The following TCEA3 variants were observed in gnomAD, a reference collection of about 807,000 sequenced individuals.
TCEA3 encodes the protein transcription elongation factor A3.
In TCEA3, 36 loss-of-function variants were observed where a neutral mutation model predicts 44.0. The observed-to-expected ratio is 0.82, with a 90% CI of 0.63 to 1.08. TCEA3 has a LOEUF of 1.08. Ranked by LOEUF, TCEA3 falls within the 50% of genes least tolerant of loss-of-function variation. The pLI, the probability that TCEA3 is intolerant of heterozygous loss-of-function variation, is 0.00. For synonymous variants in TCEA3, 162 were observed against 159.7 expected (o/e 1.01, Z -0.11); for missense variants, 392 against 441.2 (o/e 0.89, Z 1.00).
At chr1:23,386,953 C>A (rs1558020442) in intron 9 of TCEA3, among the ~76,000 whole-genome samples, 2 of 152,126 alleles carry the variant, frequency 1.3e-5, no homozygotes, top group South Asian at 2.1e-4. Context: ...ATCTCCTGAC[C>A]TCGTGATCCG....
intron 8 of TCEA3, among the ~76,000 whole-genome samples, chr1:23,387,794 C>T (rs1434375962): frequency 6.6e-6 from 1 of 152,168 alleles, no homozygotes; most frequent in Non-Finnish European, 1.5e-5. Flanking sequence ...CTATGATGTT[C>T]CCCTTAGCCT....
intron 8 of TCEA3, among the ~76,000 whole-genome samples, chr1:23,387,856 T>C (rs1638899507): frequency 1.3e-5 from 2 of 152,168 alleles, no homozygotes; most frequent in South Asian, 4.1e-4. Context: ...ACTGCCCTGC[T>C]GTTCTGCTTA....
At chr1:23,415,084 C>T (rs920964638) in intron 4 of TCEA3, among the ~76,000 whole-genome samples, 8 of 127,950 alleles carry the variant, frequency 6.3e-5, no homozygotes, top group South Asian at 2.7e-4. Context: ...AGTGCAGTGG[C>T]GGGATCTCAG....
At chr1:23,414,982 T>C (rs1639843654) in intron 4 of TCEA3, among the ~76,000 whole-genome samples, 1 of 148,660 alleles carries the variant, frequency 6.7e-6, no homozygotes, top group East Asian at 2.0e-4. Flanking sequence ...GTTGTTCTCA[T>C]ACAGGCCTTT....
chr1:23,423,707 C>G (rs984775032), intron 1 of TCEA3, among the ~76,000 whole-genome samples: 2 of 152,214 alleles, frequency 1.3e-5, no homozygotes, highest in African/African-American at 4.8e-5. Context: ...AGCGCAGGCC[C>G]TCCAGGACCC....
intron 3 of TCEA3, among the ~76,000 whole-genome samples, chr1:23,417,671 A>G (rs1269191615): frequency 6.6e-6 from 1 of 152,258 alleles, no homozygotes; most frequent in Non-Finnish European, 1.5e-5. Flanking sequence ...AATGCATGAG[A>G]GCACAAACAC....
rs2148583682 is a variant in TCEA3 at position 23,418,010 on chromosome 1, C to A, written c.133-1G>T. 6.2e-7 allele frequency: 1 copy of A among 1,614,022 alleles called. No individual in the cohort carries two copies. The highest frequency in any genetic ancestry group is 8.5e-7 in the Non-Finnish European group (1 of 1,179,868). ...TAACAGCAACTCCAATCCTGGTTGT[C>A]TGCAAAGTGAGAGGGTTAAGGCATA... On this transcript the variant is annotated splice_acceptor_variant, in intron 2 of 10. Transcript: ENST00000450454. LOFTEE classifies it high-confidence loss of function.
intron 8 of TCEA3, among the ~76,000 whole-genome samples, chr1:23,389,060 AG>A (rs1354216019): frequency 6.6e-5 from 10 of 152,302 alleles, no homozygotes; most frequent in Non-Finnish European, 1.3e-4. Flanking sequence ...TTAAATTCAA[AG>A]GCTAGGCCCT....
intron 5 of TCEA3, among the ~76,000 whole-genome samples, chr1:23,407,426 C>G (rs1205806493): frequency 6.6e-6 from 1 of 152,050 alleles, no homozygotes; most frequent in African/African-American, 2.4e-5. Context: ...TCCAATAGCT[C>G]CAGCTTTACT....
intron 9 of TCEA3, among the ~76,000 whole-genome samples, chr1:23,385,021 G>T (rs1399909025): frequency 6.6e-6 from 1 of 152,072 alleles, no homozygotes; most frequent in Non-Finnish European, 1.5e-5. Flanking sequence ...TTATTTTACT[G>T]GTGGAAGACC....
At chr1:23,400,674 T>C (rs1165277392) in intron 5 of TCEA3, among the ~76,000 whole-genome samples, 1 of 152,042 alleles carries the variant, frequency 6.6e-6, no homozygotes, top group African/African-American at 2.4e-5. Flanking sequence ...TATATCTCTG[T>C]TGAGAAAAAA....
chr1:23,389,476 C>T (rs1638954808), intron 8 of TCEA3, among the ~76,000 whole-genome samples: 2 of 119,188 alleles, frequency 1.7e-5, no homozygotes, highest in Non-Finnish European at 3.5e-5. Flanking sequence ...GCAACAACAG[C>T]GAGATTCCAT....
intron 1 of TCEA3, chr1:23,423,915 C>G (rs1010863276): frequency 1.3e-5 from 6 of 453,788 alleles, no homozygotes; most frequent in African/African-American, 1.2e-4. Context: ...GGCCTCCAGC[C>G]CGGCCCCCTT....
chr1:23,382,126 A>G (rs1278783917), intron 10 of TCEA3, among the ~76,000 whole-genome samples: 1 of 150,014 alleles, frequency 6.7e-6, no homozygotes, highest in East Asian at 2.0e-4. Flanking sequence ...GGCTCACCGC[A>G]ATCTCCGCCT....
intron 9 of TCEA3, among the ~76,000 whole-genome samples, chr1:23,386,587 T>C (rs980302526): frequency 2.6e-5 from 4 of 152,024 alleles, no homozygotes; most frequent in African/African-American, 9.7e-5. Flanking sequence ...AGACAGAGTC[T>C]CCCTCTGTCG....
intron 8 of TCEA3, among the ~76,000 whole-genome samples, chr1:23,389,427 T>G (rs1262830966): frequency 6.6e-6 from 1 of 150,456 alleles, no homozygotes; most frequent in Non-Finnish European, 1.5e-5. Context: ...AGGTTTAAGT[T>G]GCAGTGAGCT....
In TCEA3 at chr1:23,417,256, T is replaced by G; in HGVS notation, c.373A>C (p.Lys125Gln). ...CATCCCAAAAAAGAATACCTGGTTT[T>G]GGGGTCTTCTCGTTTTTTCCTTGGT... ...SPPRKKREDP[K>Q]TRRDSVDSKS... Residue 125 changes from lysine to glutamine, a missense_variant, in exon 4 of 11, where the codon AAA (lysine) becomes CAA (glutamine). Lys to Gln is a moderately conservative substitution (Grantham distance 53). Coordinates refer to ENST00000450454, the MANE Select transcript of TCEA3 (RefSeq NM_003196.3). 6.2e-7 allele frequency: 1 copy of G among 1,613,750 alleles called. No homozygotes were observed. Among genetic ancestry groups the G allele is most frequent in the Non-Finnish European group, 8.5e-7 (1 of 1,179,836 alleles).
At chr1:23,409,493 C>T (rs904722690) in intron 4 of TCEA3, among the ~76,000 whole-genome samples, 3 of 152,146 alleles carry the variant, frequency 2.0e-5, no homozygotes, top group Non-Finnish European at 2.9e-5. Context: ...ATCTCACTTA[C>T]CCTGCCTTCC....
rs1014496422 is a variant in TCEA3 at position 23,403,775 on chromosome 1, C to G, written c.443+4889G>C. On this transcript the variant is annotated intron_variant, in intron 5 of 10. Transcript: ENST00000450454. The stretch of plus-strand genomic sequence containing the variant: ...CTTTAAAAGAGAGGTTTCCAGAGTC[C>G]TCCTACCTGAGCAAGACTAGGCTGT... The G allele has an allele frequency of 1.5e-4, 48 of 312,270 alleles. No individual in the cohort carries two copies. In the Admixed American group the frequency reaches 2.0e-3, roughly 13 times the overall value. The allele number at this position is 312,270 out of a possible 1,614,324, so 19.3% of individuals were successfully genotyped here. A position where few individuals can be genotyped will look rare whatever the true frequency, so the allele number is the denominator to read the frequency against.
Sources: gnomAD v4.1 joint callset for allele counts (sites outside exome capture counted in the v4.1 genomes callset) on GRCh38, gnomAD v4.1.1 for gene constraint, MANE v1.5 for transcripts, NCBI Gene and HGNC (gene_info 2026-07-23, HGNC 2026-07-21) for gene names.